The following CHST11 variants were observed in gnomAD, a reference collection of about 807,000 sequenced individuals.
CHST11 encodes C4S-1.
Under a neutral mutation model 30.4 loss-of-function variants are expected in CHST11, and 9 were observed. That is an observed-to-expected ratio of 0.30 (90% CI 0.18 to 0.52). CHST11 has a LOEUF of 0.52. Among genes scored for constraint, CHST11 ranks in the 20% least tolerant of loss-of-function variants. The probability of loss-of-function intolerance (pLI) is 0.97; values close to 1 mark genes in which losing one functional copy is unlikely to be tolerated. For missense variants in CHST11, 348 were observed against 460.6 expected (o/e 0.76, Z 2.24); for synonymous variants, 152 against 187.8 (o/e 0.81, Z 1.56).
intron 1 of CHST11, among the ~76,000 whole-genome samples, chr12:104,585,884 A>C (rs1368086138): frequency 6.6e-6 from 1 of 151,590 alleles, no homozygotes; most frequent in Non-Finnish European, 1.5e-5. Context: ...CTGTAGCTGC[A>C]TCACTTGAAT....
At chr12:104,750,863 T>A (rs2040426125) in intron 2 of CHST11, among the ~76,000 whole-genome samples, 1 of 152,184 alleles carries the variant, frequency 6.6e-6, no homozygotes, top group Non-Finnish European at 1.5e-5. Context: ...AATTAAAAAA[T>A]TATAAAAACC....
intron 1 of CHST11, among the ~76,000 whole-genome samples, chr12:104,500,859 A>G (rs1163008862): frequency 6.6e-6 from 1 of 152,206 alleles, no homozygotes; most frequent in Non-Finnish European, 1.5e-5. Context: ...GTAGGTTGGC[A>G]AGTAAGTCTG....
At chr12:104,755,874 C>T (rs1016169258) in intron 2 of CHST11, among the ~76,000 whole-genome samples, 16 of 151,468 alleles carry the variant, frequency 1.1e-4, no homozygotes, top group African/African-American at 2.9e-4. Flanking sequence ...GGAACGCTTG[C>T]GGCAAAGAGG....
chr12:104,464,306 G>T (rs1191817743), intron 1 of CHST11, among the ~76,000 whole-genome samples: 1 of 151,974 alleles, frequency 6.6e-6, no homozygotes, highest in African/African-American at 2.4e-5. Context: ...GACCTTAAGT[G>T]ATCCACCCTC....
rs537459802 is a variant in CHST11, at chr12:104,676,507, C to T, written c.204+74516C>T. On this transcript the variant is annotated intron_variant, in intron 2 of 2. Transcript: ENST00000303694. This position sits in a 1 kb window ranked among gnomAD's most constrained non-coding sequence, Gnocchi z 4.4. ...TCGGCTCACTGCAACCTCCGCCTCC[C>T]GGGTTCAAGGGATTATTCTGCCCCA... Among the ~76,000 whole-genome samples the T allele has an allele frequency of 5.3e-5, 8 of 152,306 alleles. No individual in the cohort carries two copies. Among genetic ancestry groups the T allele is most frequent in the African/African-American group, 1.4e-4 (6 of 41,566 alleles).
chr12:104,474,490 AAG>A (rs1386310526), intron 1 of CHST11, among the ~76,000 whole-genome samples: 2 of 152,210 alleles, frequency 1.3e-5, no homozygotes, highest in Non-Finnish European at 2.9e-5. Context: ...GAATTCTTTC[AAG>A]GCTTATGCTG....
intron 1 of CHST11, among the ~76,000 whole-genome samples, chr12:104,576,937 T>C (rs2038688643): frequency 1.3e-5 from 2 of 152,076 alleles, no homozygotes; most frequent in Non-Finnish European, 2.9e-5. Context: ...GTGGGGACAG[T>C]GCTCTGAGGA....
chr12:104,606,111 T>A (rs2039002201), intron 2 of CHST11, among the ~76,000 whole-genome samples: 1 of 140,178 alleles, frequency 7.1e-6, no homozygotes, highest in Non-Finnish European at 1.5e-5. Flanking sequence ...TCTAGGGGTC[T>A]CTGAGGACCA....
At chr12:104,601,721 A>T (rs997316641) in intron 1 of CHST11, among the ~76,000 whole-genome samples, 185 bp from the exon 2 acceptor site, 4 of 152,234 alleles carry the variant, frequency 2.6e-5, no homozygotes, top group African/African-American at 9.6e-5. Context: ...AGATGCCTGA[A>T]TGTTGGGAAG....
At chr12:104,558,538 T>TCCCCCCCCCCCCC (rs71441899) in intron 1 of CHST11, among the ~76,000 whole-genome samples, 21 of 117,756 alleles carry the variant, frequency 1.8e-4, no homozygotes, top group African/African-American at 4.0e-4. Flanking sequence ...CAGCAGAAAT[T>TCCCCCCCCCCCCC]CCCCCCCCCG....
At chr12:104,529,426 G>C (rs537705350) in intron 1 of CHST11, among the ~76,000 whole-genome samples, 2 of 152,308 alleles carry the variant, frequency 1.3e-5, no homozygotes, top group East Asian at 3.9e-4. Context: ...ATAAGATCAT[G>C]CATGTAAAGT....
chr12:104,634,086 A>G (rs2039299356), intron 2 of CHST11, among the ~76,000 whole-genome samples: 1 of 152,214 alleles, frequency 6.6e-6, no homozygotes, highest in East Asian at 1.9e-4. Flanking sequence ...AACAGACACA[A>G]AGCTCGGTCC....
chr12:104,527,565 T>A (rs1704913), intron 1 of CHST11, among the ~76,000 whole-genome samples: 142,516 of 152,206 alleles, frequency 0.94, 66,824 homozygotes, highest in East Asian at 1. Context: ...TCTTCTATAC[T>A]CTTCTGAGAA....
intron 2 of CHST11, among the ~76,000 whole-genome samples, chr12:104,643,018 T>C (rs561918293): frequency 6.6e-6 from 1 of 152,348 alleles, no homozygotes; most frequent in East Asian, 1.9e-4. Flanking sequence ...ACATTTCATT[T>C]ACTTCTCAAA....
intron 2 of CHST11, among the ~76,000 whole-genome samples, chr12:104,652,889 A>G (rs979603602): frequency 9.2e-5 from 14 of 151,944 alleles, no homozygotes; most frequent in African/African-American, 2.7e-4. Flanking sequence ...TGCTCCCTAC[A>G]CGCTCCCTAC....
At chr12:104,532,338 G>T (rs1795852) in intron 1 of CHST11, among the ~76,000 whole-genome samples, 1 of 148,906 alleles carries the variant, frequency 6.7e-6, no homozygotes, top group Non-Finnish European at 1.5e-5. Context: ...CCCGTTATAA[G>T]AATGAGCCAA....
At chr12:104,724,644 G>T (rs559120868) in intron 2 of CHST11, among the ~76,000 whole-genome samples, 1 of 152,064 alleles carries the variant, frequency 6.6e-6, no homozygotes, top group Non-Finnish European at 1.5e-5. Context: ...GAGGCTCACC[G>T]TGGGCTTTCT....
chr12:104,751,616 T>A (rs981587692), intron 2 of CHST11, among the ~76,000 whole-genome samples: 2 of 152,096 alleles, frequency 1.3e-5, no homozygotes, highest in Admixed American at 1.3e-4. Flanking sequence ...TTTTTCAGAT[T>A]TCTTTTTTCT....
intron 1 of CHST11, among the ~76,000 whole-genome samples, chr12:104,466,406 A>C (rs1322470119): frequency 6.6e-6 from 1 of 152,252 alleles, no homozygotes; most frequent in Non-Finnish European, 1.5e-5. Flanking sequence ...TGAGTTCAAG[A>C]ACAAATTGAT....
Sources: gnomAD v4.1 joint callset for allele counts (sites outside exome capture counted in the v4.1 genomes callset) on GRCh38, gnomAD v4.1.1 for gene constraint, Gnocchi (gnomAD v3.1) non-coding constraint, MANE v1.5 for transcripts, NCBI Gene and HGNC (gene_info 2026-07-23, HGNC 2026-07-21) for gene names.